The following DUOX1 variants were observed in gnomAD, a reference collection of about 807,000 sequenced individuals.
DUOX1 encodes NADPH thyroid oxidase 1.
Under a neutral mutation model 181.8 loss-of-function variants are expected in DUOX1, and 134 were observed. That is an observed-to-expected ratio of 0.74 (90% CI 0.64 to 0.85). The LOEUF is 0.85. Among genes scored for constraint, DUOX1 ranks in the 40% least tolerant of loss-of-function variants. DUOX1 has a pLI of 0.00. For missense variants in DUOX1, 1,814 were observed against 2,064.4 expected (o/e 0.88, Z 2.35); for synonymous variants, 798 against 832.5 (o/e 0.96, Z 0.71).
At chr15:45,138,541 G>A (rs1464539309) in intron 10 of DUOX1, 1 of 157,242 alleles carries the variant, frequency 6.4e-6, no homozygotes, top group African/African-American at 2.4e-5. Context: ...GAAGAACATT[G>A]ATTGTGAATT....
In DUOX1 at chr15:45,151,125, C is replaced by T; in HGVS notation, c.2891C>T (p.Pro964Leu). ...ASYISQDMIC[P>L]SPRVSARCSR... is the part of the protein sequence containing the mutation. ...ATCTCTTACCATTCTTGTCTTAGTC[C>T]CTCTCCCAGAGTGAGTGCCCGCTGT... The change falls in exon 23 of 34, where the codon CCC becomes CTC. Residue 964 changes from proline (P) to leucine (L), a missense_variant and splice_region_variant. Physicochemically the swap from Pro to Leu is moderately conservative, Grantham distance 98. Transcript: ENST00000389037. The T allele has an allele frequency of 6.2e-7, 1 of 1,614,000 alleles. No individual in the cohort carries two copies. The highest frequency in any genetic ancestry group is 1.1e-5 in the South Asian group (1 of 91,066).
chr15:45,152,697 G>T lies in DUOX1; in HGVS notation c.3424+181G>T, dbSNP rs542752254. 1.2e-3 allele frequency: 744 copies of T among 640,400 alleles called. 2 individuals carry two copies. The highest frequency in any genetic ancestry group is 4.4e-3 in the Middle Eastern group (13 of 2,968). 39.7% of individuals were successfully genotyped at this position (640,400 alleles called of 1,614,324 possible). A position where few individuals can be genotyped will look rare whatever the true frequency, so the allele number is the denominator to read the frequency against. ...AGCCTGTCGCTGGTCACTTCCAAGT[G>T]CCTCTTCCCGCACTTTCCAGGGCGC... On this transcript the variant is annotated intron_variant, in intron 25 of 33. Transcript: ENST00000389037.
Position 45,152,483 on chromosome 15 carries a change from C to T in DUOX1, c.3391C>T (p.Arg1131Cys), listed in dbSNP as rs778144368. Residue 1131 changes from arginine (R) to cysteine (C), a missense_variant, in exon 25 of 34, where the codon CGC becomes TGC. By Grantham distance (180) the Arg-to-Cys change is radical. Coordinates refer to ENST00000389037, the MANE Select transcript of DUOX1 (RefSeq NM_175940.3). Reference sequence around the variant, plus strand: ...CTTCGACGCCGCCGTGGACTTCCATCGCCTCATTGCCTCCACCGCCATCGT... The same window carrying T: ...CTTCGACGCCGCCGTGGACTTCCATTGCCTCATTGCCTCCACCGCCATCGT... Reference protein sequence around the residue: ...VPFDAAVDFHRLIASTAIVLT... With the variant: ...VPFDAAVDFHCLIASTAIVLT... The T allele has an allele frequency of 3.7e-6, 6 of 1,613,994 alleles. No homozygotes were observed. Among genetic ancestry groups the T allele is most frequent in the East Asian group, 2.2e-5 (1 of 44,876 alleles).
At chr15:45,136,815 C>T (rs1896331173) in intron 9 of DUOX1, among the ~76,000 whole-genome samples, 190 bp downstream of exon 9, 1 of 151,956 alleles carries the variant, frequency 6.6e-6, no homozygotes, top group Non-Finnish European at 1.5e-5. Context: ...TTTTTACTTC[C>T]ATTCTCCTGC....
chr15:45,151,117 T>C lies in DUOX1; in HGVS notation c.2889-6T>C, dbSNP rs569136947. On this transcript the variant is annotated splice_polypyrimidine_tract_variant and splice_region_variant and intron_variant, in intron 22 of 33. Coordinates refer to ENST00000389037, the MANE Select transcript of DUOX1 (RefSeq NM_175940.3). ...AGCATCCTATCTCTTACCATTCTTG[T>C]CTTAGTCCCTCTCCCAGAGTGAGTG... 3.8e-5 allele frequency: 62 copies of C among 1,614,034 alleles called. No homozygotes were observed. The South Asian group carries it at 6.5e-4, about 17-fold the overall frequency.
intron 28 of DUOX1, among the ~76,000 whole-genome samples, chr15:45,158,171 T>G (rs926260367): frequency 6.6e-6 from 1 of 152,174 alleles, no homozygotes; most frequent in South Asian, 2.1e-4. Context: ...CAGCACAAAA[T>G]AGGGTGTAGA....
chr15:45,147,920 G>C lies in DUOX1; in HGVS notation c.2565G>C (p.Lys855Asn). Residue 855 changes from lysine to asparagine, a missense_variant, in exon 20 of 34, where the codon AAG becomes AAC. Around this residue, in one of 5 missense-constraint regions of DUOX1, gnomAD observed 1,064 missense variants for 1,152.9 expected, o/e 0.92. Transcript: ENST00000389037. Reference protein sequence around the residue: ...VVFMKGSPEEKSRLMFRMYDF... With the variant: ...VVFMKGSPEENSRLMFRMYDF... ...CTCTCCCAGGCTCTCCTGAGGAAAA[G>C]TCTCGCCTTATGTTCCGCATGTACG... The C allele has an allele frequency of 6.2e-7, 1 of 1,614,132 alleles. No homozygotes were observed. Among genetic ancestry groups the C allele is most frequent in the Middle Eastern group, 1.6e-4 (1 of 6,062 alleles).
At chr15:45,157,424 C>T (rs1224826795) in intron 28 of DUOX1, among the ~76,000 whole-genome samples, 2 of 152,172 alleles carry the variant, frequency 1.3e-5, no homozygotes, top group East Asian at 3.9e-4. Flanking sequence ...GAAGAGTGGC[C>T]AGGCAGGCTC....
intron 32 of DUOX1, 30 bp downstream of exon 32, chr15:45,163,717 G>C (rs1390109245): frequency 6.2e-7 from 1 of 1,613,846 alleles, no homozygotes; most frequent in Admixed American, 1.7e-5. Context: ...GAGGGTATGC[G>C]GGCCACTGTC....
At chr15:45,132,720 A>G (rs938131) in intron 2 of DUOX1, among the ~76,000 whole-genome samples, 140,253 of 152,252 alleles carry the variant, frequency 0.92, 65,579 homozygotes, top group Non-Finnish European at 1. Context: ...TGCCAGAGCT[A>G]CTCACATCCA....
intron 15 of DUOX1, among the ~76,000 whole-genome samples, chr15:45,142,727 AAAAG>A (rs765877855): frequency 8.4e-4 from 119 of 140,864 alleles, no homozygotes; most frequent in Admixed American, 1.2e-3. Flanking sequence ...CTCTGTCAAA[AAAAG>A]AAAGAAAGAG....
chr15:45,145,642 G>A (rs1455427510), intron 18 of DUOX1, among the ~76,000 whole-genome samples: 1 of 152,188 alleles, frequency 6.6e-6, no homozygotes, highest in Non-Finnish European at 1.5e-5. Context: ...ATGGTCAGGT[G>A]CGGTGGCTCA....
At chr15:45,140,727 T>C in intron 12 of DUOX1, 168 bp from the exon 13 acceptor site, 1 of 609,276 alleles carries the variant, frequency 1.6e-6, no homozygotes, top group Non-Finnish European at 2.8e-6. Context: ...TTCACTTATG[T>C]AAAACACTCA....
At chr15:45,132,150 T>C in intron 2 of DUOX1, 126 bp downstream of exon 2, 1 of 788,566 alleles carries the variant, frequency 1.3e-6, no homozygotes, top group South Asian at 2.2e-5. Context: ...CACAGTGCCC[T>C]GCACATGAGA....
Position 45,141,891 on chromosome 15 carries a change from T to C in DUOX1, c.1685-84T>C. 5 of 1,496,128 alleles carry C rather than the reference T, an allele frequency of 3.3e-6. No individual in the cohort carries two copies. In the South Asian group the frequency reaches 6.6e-5, roughly 20 times the overall value. 92.7% of individuals were successfully genotyped at this position (1,496,128 alleles called of 1,614,324 possible). A position where few individuals can be genotyped will look rare whatever the true frequency, so the allele number is the denominator to read the frequency against. On this transcript the variant is annotated intron_variant, in intron 14 of 33. Transcript: ENST00000389037. The stretch of plus-strand genomic sequence containing the variant: ...GCTACCCAGAGTGCCCCCACCCCCT[T>C]TCTGCCACCCTAACCTCCTCCGTGA...
At chr15:45,154,142 A>G (rs1195107741) in intron 27 of DUOX1, 142 bp downstream of exon 27, 1 of 764,212 alleles carries the variant, frequency 1.3e-6, no homozygotes, top group East Asian at 2.6e-5. Flanking sequence ...TGAGGACACT[A>G]CTGGGTGGGC....
intron 14 of DUOX1, 51 bp downstream of exon 14, chr15:45,141,461 C>G (rs1251028112): frequency 6.4e-7 from 1 of 1,568,500 alleles, no homozygotes; most frequent in Non-Finnish European, 8.8e-7. Flanking sequence ...AGCCTCGTCC[C>G]TCTTCAGCTC....
chr15:45,141,156 C>A, intron 13 of DUOX1, 86 bp downstream of exon 13: 1 of 1,580,142 alleles, frequency 6.3e-7, no homozygotes, highest in Non-Finnish European at 8.7e-7. Context: ...CCCCATGAGC[C>A]CTTGATTCCA....
chr15:45,160,744 A>C, intron 28 of DUOX1, 93 bp from the exon 29 acceptor site: 1 of 1,378,894 alleles, frequency 7.3e-7, no homozygotes, highest in Non-Finnish European at 9.4e-7. Flanking sequence ...TGGATATACC[A>C]GCGGGGAAGT....
Sources: allele counts gnomAD v4.1 joint callset (sites outside exome capture counted in the v4.1 genomes callset), GRCh38; gene constraint gnomAD v4.1.1; regional missense constraint gnomAD v4.1.1; transcripts MANE v1.5; gene names NCBI Gene and HGNC (gene_info 2026-07-23, HGNC 2026-07-21).